ENTREP2: variants seen among roughly 807,000 people sequenced by gnomAD.
ENTREP2 encodes the protein endosomal transmembrane epsin interactor 2.
At chr15:29,403,061 G>A in the ENTREP2 span, among the ~76,000 whole-genome samples, 3 of 152,136 alleles carry the variant, frequency 2.0e-5, no homozygotes, top group Non-Finnish European at 4.4e-5. Context: ...CTGAGTGAGA[G>A]GCAGCAAACC....
chr15:29,197,823 T>C, the ENTREP2 span, among the ~76,000 whole-genome samples: 1 of 151,754 alleles, frequency 6.6e-6, no homozygotes, highest in Non-Finnish European at 1.5e-5. Flanking sequence ...ACACTGAACA[T>C]GAAACAAGTT....
At chr15:29,566,830 CT>C in the ENTREP2 span, among the ~76,000 whole-genome samples, 1 of 131,232 alleles carries the variant, frequency 7.6e-6, no homozygotes, top group Non-Finnish European at 1.6e-5. Context: ...AGTGGAGTTG[CT>C]TTTTAAAGGA....
At chr15:29,234,892 G>C in the ENTREP2 span, 1 of 1,505,490 alleles carries the variant, frequency 6.6e-7, no homozygotes, top group Non-Finnish European at 9.2e-7. Flanking sequence ...AAACCTTTCT[G>C]CTGTAGGGAT....
chr15:29,632,538 T>TC, the ENTREP2 span, among the ~76,000 whole-genome samples: 4 of 152,016 alleles, frequency 2.6e-5, no homozygotes, highest in African/African-American at 7.3e-5. Context: ...TCCCAACACT[T>TC]TGGGAAGCTG....
the ENTREP2 span, among the ~76,000 whole-genome samples, chr15:29,658,906 T>A: frequency 1.6e-4 from 25 of 152,206 alleles, no homozygotes; most frequent in Non-Finnish European, 3.1e-4. Context: ...GCAAAGGTGA[T>A]AAACAACCAA....
At chr15:29,305,533 C>T in the ENTREP2 span, among the ~76,000 whole-genome samples, 2 of 152,206 alleles carry the variant, frequency 1.3e-5, no homozygotes, top group South Asian at 2.1e-4. Flanking sequence ...GGATATACTA[C>T]GAAGGCAGAG....
chr15:29,405,860 G>A, the ENTREP2 span, among the ~76,000 whole-genome samples: 6 of 152,344 alleles, frequency 3.9e-5, no homozygotes, highest in South Asian at 2.1e-4. Flanking sequence ...ACAGCCCCAC[G>A]GAGGCAGCAC....
chr15:29,368,231 A>T, the ENTREP2 span, among the ~76,000 whole-genome samples: 2 of 151,960 alleles, frequency 1.3e-5, no homozygotes, highest in African/African-American at 2.4e-5. Context: ...AGGCTGAGGC[A>T]CGAGAACTGT....
the ENTREP2 span, among the ~76,000 whole-genome samples, chr15:29,635,034 G>A: frequency 1.3e-5 from 2 of 152,096 alleles, no homozygotes; most frequent in South Asian, 2.1e-4. Flanking sequence ...TAGTAGAGAC[G>A]GGGTTTCACC....
chr15:29,598,562 C>G, the ENTREP2 span, among the ~76,000 whole-genome samples: 1 of 152,122 alleles, frequency 6.6e-6, no homozygotes, highest in Admixed American at 6.6e-5. Flanking sequence ...TATCATTGCA[C>G]TGGTAAGATA....
At chr15:29,370,909 C>A in the ENTREP2 span, among the ~76,000 whole-genome samples, 2 of 151,996 alleles carry the variant, frequency 1.3e-5, no homozygotes, top group African/African-American at 2.4e-5. Flanking sequence ...ATAGAAGACA[C>A]TAAGAACAGA....
At chr15:29,421,831 AC>A in the ENTREP2 span, among the ~76,000 whole-genome samples, 2 of 152,192 alleles carry the variant, frequency 1.3e-5, no homozygotes, top group South Asian at 4.1e-4. Flanking sequence ...TGATGTTTCT[AC>A]CCTCAAAATA....
chr15:29,277,456 G>A, the ENTREP2 span, among the ~76,000 whole-genome samples: 2 of 152,110 alleles, frequency 1.3e-5, no homozygotes, highest in African/African-American at 2.4e-5. Context: ...CAACCTTTTT[G>A]GTACTAGGGA....
chr15:29,144,438 T>G, the ENTREP2 span, among the ~76,000 whole-genome samples: 1 of 152,160 alleles, frequency 6.6e-6, no homozygotes, highest in African/African-American at 2.4e-5. Flanking sequence ...TATCAAATAT[T>G]TAAAGAAGGG....
the ENTREP2 span, chr15:29,126,149 T>C: frequency 2.4e-6 from 2 of 831,926 alleles, no homozygotes; most frequent in Non-Finnish European, 3.6e-6. Context: ...ACATTCCCAG[T>C]GTGGCCCCAG....
chr15:29,268,955 C>T, the ENTREP2 span: 1 of 1,614,182 alleles, frequency 6.2e-7, no homozygotes, highest in Non-Finnish European at 8.5e-7. Context: ...GTTCGCGGGC[C>T]CCACTGGAAT....
At chr15:29,594,506 A>G in the ENTREP2 span, among the ~76,000 whole-genome samples, 31 of 152,202 alleles carry the variant, frequency 2.0e-4, no homozygotes, top group Non-Finnish European at 2.8e-4. Context: ...AATCTCCCCT[A>G]TTAAACTATA....
chr15:29,367,594 G>T, the ENTREP2 span, among the ~76,000 whole-genome samples: 6 of 152,308 alleles, frequency 3.9e-5, no homozygotes, highest in South Asian at 1.2e-3. Context: ...TGGGAATACA[G>T]AGTGCCACAT....
At chr15:29,407,999 T>A in the ENTREP2 span, among the ~76,000 whole-genome samples, 2 of 152,262 alleles carry the variant, frequency 1.3e-5, no homozygotes, top group East Asian at 1.9e-4. Flanking sequence ...TGATAGACCA[T>A]ATCCTCCACT....
Sources: gnomAD v4.1 joint callset for allele counts (sites outside exome capture counted in the v4.1 genomes callset) on GRCh38, gnomAD v4.1.1 for gene constraint, MANE v1.5 for transcripts, NCBI Gene and HGNC (gene_info 2026-07-23, HGNC 2026-07-21) for gene names.